CYP2B6: variants seen among roughly 807,000 people sequenced by gnomAD.
The protein encoded by CYP2B6 is cytochrome P450 2B6.
CYP2B6 carries 35 observed loss-of-function variants against 43.4 expected under a neutral mutation model. The ratio of observed to expected loss-of-function variants is 0.81; its 90% CI spans 0.62 to 1.07. The LOEUF (loss-of-function observed/expected upper bound fraction) is 1.07. Ranked by LOEUF, CYP2B6 falls within the 50% of genes least tolerant of loss-of-function variation. CYP2B6 has a pLI of 0.00. For synonymous variants in CYP2B6, 239 were observed against 239.2 expected (o/e 1.00, Z 0.01); for missense variants, 624 against 632.8 (o/e 0.99, Z 0.15).
At chr19:41,010,582 T>G (rs1381554926) in intron 6 of CYP2B6, among the ~76,000 whole-genome samples, 2 of 151,794 alleles carry the variant, frequency 1.3e-5, no homozygotes, top group Non-Finnish European at 2.9e-5. Context: ...CCCGGCTAAT[T>G]TTTTGTGTTT....
intron 6 of CYP2B6, 69 bp from the exon 7 acceptor site, chr19:41,012,229 C>G: frequency 6.8e-7 from 1 of 1,481,480 alleles, no homozygotes; most frequent in Non-Finnish European, 9.3e-7. Flanking sequence ...GGATTACAGG[C>G]ATGAGCCACC....
At position 41,004,076 on chromosome 19, in the gene CYP2B6, G is replaced by A; in HGVS notation, c.247G>A (p.Ala83Thr). ...CGTGGTCATGCTGTGTGGAGTAGAG[G>A]CCATACGGGAGGCCCTTGTGGACAA... is the stretch of plus-strand genomic sequence containing the variant. ...RPVVMLCGVE[A>T]IREALVDKAE... Residue 83 changes from alanine (A) to threonine (T), a missense_variant, in exon 2 of 9, where the codon GCC (alanine) becomes ACC (threonine). Physicochemically the swap from Ala to Thr is moderately conservative, Grantham distance 58. Transcript: ENST00000324071. 6.2e-7 allele frequency: 1 copy of A among 1,613,714 alleles called. No homozygotes were observed. The highest frequency in any genetic ancestry group is 8.5e-7 in the Non-Finnish European group (1 of 1,179,972).
chr19:40,993,913 G>C (rs1477429557), intron 1 of CYP2B6, among the ~76,000 whole-genome samples: 2 of 152,100 alleles, frequency 1.3e-5, no homozygotes, highest in Non-Finnish European at 2.9e-5. Flanking sequence ...AAAATTGCGT[G>C]ATGTTCCATT....
chr19:41,000,375 C>A (rs1969065960), intron 1 of CYP2B6, among the ~76,000 whole-genome samples: 1 of 152,136 alleles, frequency 6.6e-6, no homozygotes, highest in Non-Finnish European at 1.5e-5. Context: ...ACACAATAGG[C>A]ATTTAGTAAA....
At chr19:41,014,188 C>G (rs572700937) in intron 8 of CYP2B6, among the ~76,000 whole-genome samples, 1 of 152,178 alleles carries the variant, frequency 6.6e-6, no homozygotes, top group South Asian at 2.1e-4. Context: ...GGCCCAGCCC[C>G]CGGTTTTGCG....
At chr19:41,002,618 C>G (rs572568391) in intron 1 of CYP2B6, among the ~76,000 whole-genome samples, 200 of 152,128 alleles carry the variant, frequency 1.3e-3, no homozygotes, top group African/African-American at 4.7e-3. Flanking sequence ...CACTATCTCG[C>G]CTCACTGCAA....
Position 41,004,145 on chromosome 19 carries a change from C to G in CYP2B6, c.316C>G (p.Pro106Ala). Reference protein sequence around the residue: ...SGRGKIAMVDPFFRGYGVIFA... With the variant: ...SGRGKIAMVDAFFRGYGVIFA... ...CCGGGGAAAAATCGCCATGGTCGAC[C>G]CATTCTTCCGGGGATATGGTGAGAG... The change falls in exon 2 of 9, where the codon CCA becomes GCA. Residue 106 changes from proline to alanine, a missense_variant. Transcript: ENST00000324071. 3 of 1,597,846 alleles carry G rather than the reference C, an allele frequency of 1.9e-6. No homozygotes were observed. Among genetic ancestry groups the G allele is most frequent in the Non-Finnish European group, 2.6e-6 (3 of 1,171,442 alleles).
Position 41,016,399 on chromosome 19 carries a change from C to CAAAA in CYP2B6, c.1295-215_1295-212dup, listed in dbSNP as rs869180190. Among the ~76,000 whole-genome samples, 113 of 76,840 alleles carry CAAAA rather than the reference C, an allele frequency of 1.5e-3. 2 individuals carry two copies. The highest frequency in any genetic ancestry group is 2.4e-3 in the Non-Finnish European group (86 of 36,196). 50.4% of individuals were successfully genotyped at this position (76,840 alleles called of 152,430 possible). ...TGGGTGACAAAGAGAGACTCCATCT[C>CAAAA]AAAAAAAAAAAAAAAAAAAAAAAAA... On this transcript the variant is annotated intron_variant, in intron 8 of 8. Transcript: ENST00000324071.
At chr19:41,013,569 C>A (rs138423652) in intron 8 of CYP2B6, among the ~76,000 whole-genome samples, 208 of 152,182 alleles carry the variant, frequency 1.4e-3, no homozygotes, top group African/African-American at 4.9e-3. Context: ...TCCAGTGAGC[C>A]TTGGGTGTAG....
intron 6 of CYP2B6, among the ~76,000 whole-genome samples, chr19:41,011,811 A>C (rs781289478): frequency 2.0e-5 from 3 of 152,110 alleles, no homozygotes; most frequent in Non-Finnish European, 2.9e-5. Context: ...TCAAGCAGTG[A>C]GAATTCTTGT....
intron 1 of CYP2B6, among the ~76,000 whole-genome samples, chr19:40,998,226 C>G (rs529004298): frequency 6.6e-6 from 1 of 152,222 alleles, no homozygotes; most frequent in African/African-American, 2.4e-5. Flanking sequence ...TTTTCCCAAG[C>G]TCTGCAGACG....
intron 7 of CYP2B6, 46 bp downstream of exon 7, chr19:41,012,531 G>A (rs1298097794): frequency 6.2e-7 from 1 of 1,612,572 alleles, no homozygotes; most frequent in Admixed American, 1.7e-5. Flanking sequence ...GGGCATCCTG[G>A]ATTCTCTTAA....
intron 6 of CYP2B6, among the ~76,000 whole-genome samples, chr19:41,011,286 A>T (rs920006900): frequency 1.3e-5 from 2 of 152,216 alleles, no homozygotes; most frequent in Non-Finnish European, 2.9e-5. Context: ...CATTCAATCC[A>T]GCCTTTCATT....
chr19:41,003,833 T>C, intron 1 of CYP2B6, 168 bp from the exon 2 acceptor site: 5 of 872,228 alleles, frequency 5.7e-6, no homozygotes, highest in South Asian at 1.4e-5. Flanking sequence ...TTGGACAGCG[T>C]TAACCATTAA....
chr19:41,004,270 C>T (rs1402439553), intron 2 of CYP2B6, 27 bp from the exon 3 acceptor site: 2 of 1,613,728 alleles, frequency 1.2e-6, no homozygotes, highest in Admixed American at 1.7e-5. Flanking sequence ...TCTTCTACAA[C>T]CAACCCACAC....
At chr19:41,008,460 G>T (rs1384638016) in intron 4 of CYP2B6, among the ~76,000 whole-genome samples, 2 of 135,768 alleles carry the variant, frequency 1.5e-5, no homozygotes, top group African/African-American at 5.9e-5. Flanking sequence ...AAGCAGGGAT[G>T]TATGTTGGAT....
chr19:41,015,516 G>A (rs1214517147), intron 8 of CYP2B6, among the ~76,000 whole-genome samples: 2 of 152,146 alleles, frequency 1.3e-5, no homozygotes, highest in Non-Finnish European at 2.9e-5. Flanking sequence ...CTGAAGTGAA[G>A]GGAAAGGCTC....
intron 3 of CYP2B6, 71 bp downstream of exon 3, chr19:41,004,517 AAGAC>A (rs1969147703): frequency 1.9e-6 from 3 of 1,556,844 alleles, no homozygotes; most frequent in South Asian, 1.2e-5. Flanking sequence ...CGGGAATAGA[AAGAC>A]AGAGAGGTAT....
At chr19:40,992,013 C>A (rs1403779217) in intron 1 of CYP2B6, among the ~76,000 whole-genome samples, 4 of 151,904 alleles carry the variant, frequency 2.6e-5, no homozygotes, top group African/African-American at 7.3e-5. Context: ...ACCAGCCTGG[C>A]CAACATGGTG....
Sources: gnomAD v4.1 joint callset for allele counts (sites outside exome capture counted in the v4.1 genomes callset) on GRCh38, gnomAD v4.1.1 for gene constraint, MANE v1.5 for transcripts, NCBI Gene and HGNC (gene_info 2026-07-23, HGNC 2026-07-21) for gene names.